The following VPS13D variants were observed in gnomAD, a reference collection of about 807,000 sequenced individuals.
VPS13D encodes intermembrane lipid transfer protein VPS13D.
VPS13D carries 187 observed loss-of-function variants against 461.9 expected under a neutral mutation model. That is an observed-to-expected ratio of 0.40 (90% CI 0.36 to 0.46). The LOEUF (loss-of-function observed/expected upper bound fraction) is 0.46. Among genes scored for constraint, VPS13D ranks in the 20% least tolerant of loss-of-function variants. The pLI is 0.60. For synonymous variants in VPS13D, 1,951 were observed against 1,986.3 expected, an observed-to-expected ratio of 0.98 and a Z score of 0.47; for missense variants, 4,711 against 5,364.9, an observed-to-expected ratio of 0.88 and a Z score of 3.81.
chr1:12,330,979 C>CA, intron 37 of VPS13D, among the ~76,000 whole-genome samples: 1 of 152,130 alleles, frequency 6.6e-6, no homozygotes, highest in African/African-American at 2.4e-5. Flanking sequence ...CTAGAAAAAA[C>CA]AAAAACAAAC....
intron 15 of VPS13D, 85 bp from the exon 16 acceptor site, chr1:12,268,619 CTG>C (rs2101323983): frequency 7.2e-7 from 1 of 1,385,524 alleles, no homozygotes; most frequent in East Asian, 2.4e-5. Flanking sequence ...TAGAAAATGT[CTG>C]TTTTTCCAGA....
intron 60 of VPS13D, among the ~76,000 whole-genome samples, chr1:12,393,347 A>G (rs1477709174): frequency 6.6e-6 from 1 of 152,254 alleles, no homozygotes; most frequent in Non-Finnish European, 1.5e-5. Flanking sequence ...TAGGACAGTA[A>G]AGGTATATTG....
In VPS13D at chr1:12,273,018, T is replaced by C. The variant is rs1641498553; in HGVS notation, c.2119T>C (p.Trp707Arg). The change falls in exon 18 of 70, where the codon TGG becomes CGG. Residue 707 changes from tryptophan to arginine, a missense_variant. Physicochemically the swap from Trp to Arg is moderately radical, Grantham distance 101. Around this residue, in one of 3 missense-constraint regions of VPS13D, gnomAD observed 4,411 missense variants for 4,937.8 expected, o/e 0.89. Coordinates refer to ENST00000620676, the MANE Select transcript of VPS13D (RefSeq NM_015378.4). The stretch of plus-strand genomic sequence containing the variant: ...ATTTGTACAGGAGGAGAGTAAACGA[T>C]GGACCGTGCGGCTGGATATTTCTGC... ...VGDFIEESKR[W>R]TVRLDISAPQ... 2.5e-6 allele frequency: 4 copies of C among 1,613,980 alleles called. No homozygotes were observed. The highest frequency in any genetic ancestry group is 3.4e-6 in the Non-Finnish European group (4 of 1,179,986).
intron 60 of VPS13D, among the ~76,000 whole-genome samples, chr1:12,395,002 GTTCTT>G (rs1644476410): frequency 6.6e-6 from 1 of 152,066 alleles, no homozygotes; most frequent in African/African-American, 2.4e-5. Flanking sequence ...AACTCAAACA[GTTCTT>G]TTCGAGTGTA....
chr1:12,338,745 A>G (rs1488504467), intron 40 of VPS13D, among the ~76,000 whole-genome samples: 1 of 152,214 alleles, frequency 6.6e-6, no homozygotes, highest in Non-Finnish European at 1.5e-5. Flanking sequence ...CGGAAAAAAA[A>G]TTCTCAGTAA....
intron 67 of VPS13D, among the ~76,000 whole-genome samples, chr1:12,469,106 T>C (rs1645531106): frequency 6.6e-6 from 1 of 152,144 alleles, no homozygotes; most frequent in Non-Finnish European, 1.5e-5. Context: ...ATGTTACTTA[T>C]CTATATCCTT....
chr1:12,242,664 A>G (rs910697607), intron 3 of VPS13D, 74 bp downstream of exon 3: 73 of 1,343,614 alleles, frequency 5.4e-5, no homozygotes, highest in Non-Finnish European at 7.3e-5. Flanking sequence ...AGAGCCCTGG[A>G]GTTTGTATTG....
At chr1:12,240,530 G>A (rs1156345933) in intron 2 of VPS13D, among the ~76,000 whole-genome samples, 3 of 139,678 alleles carry the variant, frequency 2.1e-5, no homozygotes, top group Non-Finnish European at 3.0e-5. Context: ...AGGAGGCGGA[G>A]TTTGCAGTGA....
At chr1:12,293,146 T>C (rs760902736) in intron 23 of VPS13D, among the ~76,000 whole-genome samples, 17 of 152,220 alleles carry the variant, frequency 1.1e-4, no homozygotes, top group Admixed American at 2.0e-4. Flanking sequence ...TTCTGATGCC[T>C]AATTTTCTTT....
rs771668565 is a variant in VPS13D at position 12,299,289 on chromosome 1, T to A, written c.6121T>A (p.Ser2041Thr). The change falls in exon 25 of 70, where the codon TCA becomes ACA. Residue 2041 changes from serine to threonine, a missense_variant. Physicochemically the swap from Ser to Thr is moderately conservative, Grantham distance 58. Transcript: ENST00000620676. The surrounding 1 kb of genome is among the most constrained non-coding windows in gnomAD (Gnocchi z 4.2). The stretch of plus-strand genomic sequence containing the variant: ...TCTCTTGATCCCAGAAAGTTCCAGA[T>A]CAAATAATCTGATTGTAGCAAATTT... ...PVLLIPESSRSNNLIVANLGK... is the reference protein window; with the variant it reads ...PVLLIPESSRTNNLIVANLGK... The A allele has an allele frequency of 1.9e-6, 3 of 1,614,028 alleles. No individual in the cohort carries two copies. Among genetic ancestry groups the A allele is most frequent in the Non-Finnish European group, 2.5e-6 (3 of 1,180,002 alleles).
chr1:12,322,690 C>T lies in VPS13D; in HGVS notation c.7859C>T (p.Ser2620Phe), dbSNP rs1264248166. The T allele has an allele frequency of 2.5e-6, 4 of 1,614,100 alleles. No individual in the cohort carries two copies. Among genetic ancestry groups the T allele is most frequent in the Non-Finnish European group, 3.4e-6 (4 of 1,180,048 alleles). The change falls in exon 34 of 70, where the codon TCT (serine) becomes TTT (phenylalanine). Residue 2620 changes from serine (S) to phenylalanine (F), a missense_variant. Ser to Phe is a radical substitution (Grantham distance 155, BLOSUM62 -2). Coordinates refer to ENST00000620676, the MANE Select transcript of VPS13D (RefSeq NM_015378.4). ...DSVGTYLPGA[S>F]RVGEEIREGT... ...GTTGGCACTTACCTTCCAGGTGCAT[C>T]TCGCGTTGGAGAGGAAATCAGAGAA...
Position 12,362,783 on chromosome 1 carries a change from G to T in VPS13D, c.10205G>T (p.Arg3402Leu). 6.2e-7 allele frequency: 1 copy of T among 1,614,196 alleles called. No homozygotes were observed. Among genetic ancestry groups the T allele is most frequent in the Non-Finnish European group, 8.5e-7 (1 of 1,180,030 alleles). The change falls in exon 51 of 70, where the codon CGT becomes CTT. Residue 3402 changes from arginine (R) to leucine (L), a missense_variant. Transcript: ENST00000620676. ...ACCTGCATGGTCATCTTTGCCCCCC[G>T]TTACCTGTTAGATAATAAATCATCT... ...IDTCMVIFAP[R>L]YLLDNKSSHK...
chr1:12,487,321 C>T (rs1270367124), intron 67 of VPS13D, among the ~76,000 whole-genome samples: 1 of 152,030 alleles, frequency 6.6e-6, no homozygotes, highest in Admixed American at 6.5e-5. Flanking sequence ...AAAAAGCAAA[C>T]AAATCGGGTC....
intron 55 of VPS13D, among the ~76,000 whole-genome samples, chr1:12,374,845 C>A (rs940637368): frequency 6.6e-6 from 1 of 152,168 alleles, no homozygotes; most frequent in Non-Finnish European, 1.5e-5. Context: ...TCAAGTGATT[C>A]TCCTGCCTCA....
intron 66 of VPS13D, 76 bp downstream of exon 66, chr1:12,456,206 T>TA (rs913727401): frequency 1.5e-4 from 223 of 1,516,040 alleles, no homozygotes; most frequent in Non-Finnish European, 1.8e-4. Flanking sequence ...ATTGCAGCTA[T>TA]AAAAAAAGAA....
chr1:12,483,509 G>T (rs1274403578), intron 67 of VPS13D, among the ~76,000 whole-genome samples: 4 of 151,828 alleles, frequency 2.6e-5, no homozygotes, highest in African/African-American at 9.7e-5. Context: ...TTCTTATCTA[G>T]TGTTGGTCTA....
intron 6 of VPS13D, among the ~76,000 whole-genome samples, chr1:12,252,132 A>G (rs377421568): frequency 5.3e-5 from 8 of 152,218 alleles, no homozygotes; most frequent in African/African-American, 1.9e-4. Flanking sequence ...CCTCCACTAA[A>G]CCAGTATGAC....
At chr1:12,363,539 C>G (rs1643982076) in intron 52 of VPS13D, among the ~76,000 whole-genome samples, 1 of 152,160 alleles carries the variant, frequency 6.6e-6, no homozygotes. Flanking sequence ...GATGGTAACG[C>G]TCATTATAAA....
intron 65 of VPS13D, among the ~76,000 whole-genome samples, chr1:12,436,671 T>C (rs1645064937): frequency 6.6e-6 from 1 of 152,136 alleles, no homozygotes; most frequent in Non-Finnish European, 1.5e-5. Context: ...TTTTTTTTTG[T>C]TTGTTTTTGT....
Sources: allele counts gnomAD v4.1 joint callset (sites outside exome capture counted in the v4.1 genomes callset), GRCh38; gene constraint gnomAD v4.1.1; regional missense constraint gnomAD v4.1.1; non-coding constraint Gnocchi (gnomAD v3.1); transcripts MANE v1.5; gene names NCBI Gene and HGNC (gene_info 2026-07-23, HGNC 2026-07-21).